ANKS1B: variants seen among roughly 807,000 people sequenced by gnomAD.
The protein encoded by ANKS1B is ankyrin repeat and sterile alpha motif domain containing 1B.
Under a neutral mutation model 148.3 loss-of-function variants are expected in ANKS1B, and 36 were observed. The ratio of observed to expected loss-of-function variants is 0.24; its 90% confidence interval spans 0.19 to 0.32. The LOEUF (loss-of-function observed/expected upper bound fraction) is 0.32, where lower values mean the gene tolerates loss of function less well. Ranked by LOEUF, ANKS1B falls within the 10% of genes least tolerant of loss-of-function variation. The probability of loss-of-function intolerance (pLI) is 1.00; values close to 1 mark genes in which losing one functional copy is unlikely to be tolerated. For missense variants in ANKS1B, 1,157 were observed against 1,542.6 expected, an observed-to-expected ratio of 0.75 and a Z score of 4.19; for synonymous variants, 542 against 560.8, an observed-to-expected ratio of 0.97 and a Z score of 0.47.
chr12:98,802,577 C>G (rs2099012696), intron 20 of ANKS1B, among the ~76,000 whole-genome samples: 1 of 118,042 alleles, frequency 8.5e-6, no homozygotes, highest in Non-Finnish European at 1.7e-5. Flanking sequence ...TTCTAGAGGA[C>G]TTCAGTAATG....
chr12:99,410,275 A>G (rs79252933), intron 11 of ANKS1B, among the ~76,000 whole-genome samples: 319 of 152,234 alleles, frequency 2.1e-3, no homozygotes, highest in African/African-American at 7.2e-3. Context: ...ACAGTAGCAG[A>G]GTGTAGTAGT....
rs1348879438 is a variant in ANKS1B, at chr12:99,517,580, T to A, written c.1273-12939A>T. On this transcript the variant is annotated intron_variant, in intron 9 of 26. Transcript: ENST00000683438. ...TAAAAATACAAAAAAAAAAAAAAAA[T>A]TAGCTGGGTGTGGTGGTGGGCGCCT... Among the ~76,000 whole-genome samples the A allele has an allele frequency of 2.8e-5, 4 of 142,720 alleles. No homozygotes were observed. The South Asian group carries it at 6.5e-4, about 23-fold the overall frequency. The allele number at this position is 142,720 out of a possible 152,430, so 93.6% of individuals were successfully genotyped here.
chr12:99,711,454 G>C lies in ANKS1B; in HGVS notation c.1129-56244C>G, dbSNP rs945785456. 2.6e-5 allele frequency among the ~76,000 whole-genome samples: 4 copies of C among 152,004 alleles called. No homozygotes were observed. The East Asian group carries it at 5.8e-4, about 22-fold the overall frequency. On this transcript the variant is annotated intron_variant, in intron 8 of 26. Coordinates refer to ENST00000683438, the MANE Select transcript of ANKS1B (RefSeq NM_001352186.2). ...TCCACCCTTCCAGCCTCCACCCTCT[G>C]ATAGGTCCCAGTGTATGTTGTTTCC...
intron 1 of ANKS1B, among the ~76,000 whole-genome samples, chr12:99,970,086 T>C (rs964014006): frequency 6.6e-6 from 1 of 152,190 alleles, no homozygotes; most frequent in Non-Finnish European, 1.5e-5. Context: ...AACAACAGTA[T>C]ATACACCAGA....
intron 10 of ANKS1B, among the ~76,000 whole-genome samples, chr12:99,464,094 C>A (rs1214103602): frequency 6.6e-6 from 1 of 152,166 alleles, no homozygotes; most frequent in Non-Finnish European, 1.5e-5. Flanking sequence ...TGAGACAAAA[C>A]TTCCAGAGGA....
chr12:99,921,609 C>G (rs1052592187), intron 1 of ANKS1B, among the ~76,000 whole-genome samples: 3 of 152,068 alleles, frequency 2.0e-5, no homozygotes, highest in African/African-American at 7.2e-5. Flanking sequence ...CCCAAAAAAT[C>G]TACTCACCAC....
At chr12:99,364,043 C>T (rs886285719) in intron 12 of ANKS1B, among the ~76,000 whole-genome samples, 4 of 152,080 alleles carry the variant, frequency 2.6e-5, no homozygotes, top group African/African-American at 9.7e-5. Context: ...GAATATCTCT[C>T]CCACTTACAT....
At chr12:99,574,656 G>A (rs1449505168) in intron 9 of ANKS1B, among the ~76,000 whole-genome samples, 6 of 149,386 alleles carry the variant, frequency 4.0e-5, no homozygotes, top group South Asian at 2.1e-4. Context: ...GAAGTTCCTC[G>A]TATTAAAAAA....
At position 99,608,807 on chromosome 12, in the gene ANKS1B, T is replaced by C. The variant is rs560714034; in HGVS notation, c.1272+46260A>G. Among the ~76,000 whole-genome samples, 44 of 152,150 alleles carry C rather than the reference T, an allele frequency of 2.9e-4. 1 individual carries two copies. Among genetic ancestry groups the C allele is most frequent in the African/African-American group, 9.9e-4 (41 of 41,536 alleles). On this transcript the variant is annotated intron_variant, in intron 9 of 26. Transcript: ENST00000683438. Reference sequence around the variant, plus strand: ...TAGAGGTCTCCTTCCGGTCCCTATGTATGATTACCAGAATGCTGATGTTTT... The same window carrying C: ...TAGAGGTCTCCTTCCGGTCCCTATGCATGATTACCAGAATGCTGATGTTTT...
At position 98,749,105 on chromosome 12, in the gene ANKS1B, A is replaced by AT. The variant is rs1028028623; in HGVS notation, c.3747+2249dup. ...GGGTCCCTGTGTGCATGAAACTTAC[A>AT]TTTTTTTTTTTGAGACGGAGTCCTG... On this transcript the variant is annotated intron_variant, in intron 26 of 26. Coordinates refer to ENST00000683438, the MANE Select transcript of ANKS1B (RefSeq NM_001352186.2). Among the ~76,000 whole-genome samples the AT allele has an allele frequency of 4.2e-4, 61 of 146,630 alleles. No individual in the cohort carries two copies. The South Asian group carries it at 4.6e-3, about 11-fold the overall frequency.
At chr12:99,197,733 G>C (rs574662929) in intron 14 of ANKS1B, among the ~76,000 whole-genome samples, 1 of 152,272 alleles carries the variant, frequency 6.6e-6, no homozygotes, top group Admixed American at 6.5e-5. Context: ...TTAGAAGCTG[G>C]AAAATGCAAG....
intron 12 of ANKS1B, among the ~76,000 whole-genome samples, chr12:99,271,270 T>C (rs143786734): frequency 4.1e-4 from 63 of 152,328 alleles, no homozygotes; most frequent in Middle Eastern, 3.4e-3. Context: ...GGTTAGCTCT[T>C]CTCATTCTGT....
At chr12:99,238,994 C>A (rs1375651519) in intron 14 of ANKS1B, among the ~76,000 whole-genome samples, 1 of 152,118 alleles carries the variant, frequency 6.6e-6, no homozygotes, top group East Asian at 1.9e-4. Context: ...ATTCCAAAAA[C>A]CAGAATGCCT....
intron 9 of ANKS1B, among the ~76,000 whole-genome samples, chr12:99,633,607 A>G (rs2098197284): frequency 6.6e-6 from 1 of 152,228 alleles, no homozygotes; most frequent in African/African-American, 2.4e-5. Flanking sequence ...CACCAAAAGC[A>G]ATGGCAATAA....
At chr12:99,861,633 A>G (rs548393324) in intron 1 of ANKS1B, among the ~76,000 whole-genome samples, 4 of 152,282 alleles carry the variant, frequency 2.6e-5, no homozygotes, top group African/African-American at 9.6e-5. Flanking sequence ...CACAAGCCCA[A>G]AAGCTCTGAT....
chr12:99,105,193 T>C (rs1437886842), intron 15 of ANKS1B, among the ~76,000 whole-genome samples: 1 of 152,244 alleles, frequency 6.6e-6, no homozygotes, highest in Non-Finnish European at 1.5e-5. Context: ...TTTTGAGGAC[T>C]GTTATGCAAT....
rs182370319 is a variant in ANKS1B, at chr12:99,844,694, G to T, written c.135-19305C>A. Reference sequence around the variant, plus strand: ...TGATGCCTCCAGCTTTGTTCTTTTTGCTTAGGATTCTCTTTGCTATTTGGG... The same window carrying T: ...TGATGCCTCCAGCTTTGTTCTTTTTTCTTAGGATTCTCTTTGCTATTTGGG... On this transcript the variant is annotated intron_variant, in intron 1 of 26. Coordinates refer to ENST00000683438, the MANE Select transcript of ANKS1B (RefSeq NM_001352186.2). 2.3e-3 allele frequency among the ~76,000 whole-genome samples: 346 copies of T among 152,176 alleles called. 3 individuals carry two copies. Among genetic ancestry groups the T allele is most frequent in the African/African-American group, 8.1e-3 (337 of 41,534 alleles).
At chr12:99,740,321 C>CA (rs1555579409) in intron 8 of ANKS1B, among the ~76,000 whole-genome samples, 3 of 150,162 alleles carry the variant, frequency 2.0e-5, no homozygotes, top group East Asian at 2.0e-4. Context: ...AAAACAAAAA[C>CA]AAAAACAAAA....
At chr12:99,685,184 T>C (rs751658273) in intron 8 of ANKS1B, among the ~76,000 whole-genome samples, 2 of 151,596 alleles carry the variant, frequency 1.3e-5, no homozygotes, top group Non-Finnish European at 3.0e-5. Context: ...TCTAACTATA[T>C]AAACAAAGGA....
Sources: allele counts gnomAD v4.1 joint callset (sites outside exome capture counted in the v4.1 genomes callset), GRCh38; gene constraint gnomAD v4.1.1; transcripts MANE v1.5; gene names NCBI Gene and HGNC (gene_info 2026-07-23, HGNC 2026-07-21).